The following TPST1 variants were observed in gnomAD, a reference collection of about 807,000 sequenced individuals.
TPST1 encodes tyrosylprotein sulfotransferase 1.
A neutral mutation model predicts 34.8 loss-of-function variants in TPST1; 20 were observed. The ratio of observed to expected loss-of-function variants is 0.57; its 90% confidence interval spans 0.40 to 0.84. The LOEUF (loss-of-function observed/expected upper bound fraction) is 0.84, where lower values mean the gene tolerates loss of function less well. Ranked by LOEUF, TPST1 falls within the 40% of genes least tolerant of loss-of-function variation. TPST1 has a pLI of 0.00. For synonymous variants in TPST1, 152 were observed against 159.4 expected, an observed-to-expected ratio of 0.95 and a Z score of 0.35; for missense variants, 353 against 455.5, an observed-to-expected ratio of 0.78 and a Z score of 2.05.
At chr7:66,261,074 C>T (rs921699642) in intron 2 of TPST1, among the ~76,000 whole-genome samples, 1 of 152,152 alleles carries the variant, frequency 6.6e-6, no homozygotes, top group Non-Finnish European at 1.5e-5. Flanking sequence ...CTGGGCTCTG[C>T]CTGGGACCCC....
chr7:66,224,901 CTTTTTTTTTTTTTTTT>C (rs780952403), intron 1 of TPST1, among the ~76,000 whole-genome samples: 1 of 42,410 alleles, frequency 2.4e-5, no homozygotes, highest in African/African-American at 1.1e-4. Context: ...TTCTGGTATT[CTTTTTTTTTTTTTTTT>C]TTTTTTTTTT....
chr7:66,244,611 GTTTGTGGAATTT>G (rs1264885109), intron 2 of TPST1, among the ~76,000 whole-genome samples: 7 of 152,322 alleles, frequency 4.6e-5, no homozygotes, highest in Non-Finnish European at 1.0e-4. Flanking sequence ...TCTTCTCATG[GTTTGTGGAATTT>G]TTTGTGGAAT....
At chr7:66,301,756 T>A (rs899948313) in intron 3 of TPST1, among the ~76,000 whole-genome samples, 5 of 152,206 alleles carry the variant, frequency 3.3e-5, no homozygotes, top group Admixed American at 1.3e-4. Flanking sequence ...CTTAGGATCG[T>A]GGCACCCCAA....
At chr7:66,323,867 A>G in intron 3 of TPST1, among the ~76,000 whole-genome samples, 1 of 152,246 alleles carries the variant, frequency 6.6e-6, no homozygotes, top group Non-Finnish European at 1.5e-5. Context: ...TAGAATTACC[A>G]TTTGATCCAG....
Position 66,302,192 on chromosome 7 carries a change from C to T in TPST1, c.1044+15483C>T, listed in dbSNP as rs572572454. On this transcript the variant is annotated intron_variant, in intron 3 of 5. Coordinates refer to ENST00000304842, the MANE Select transcript of TPST1 (RefSeq NM_003596.4). ...TGAATCAAGCTGAGCTGGGGCTGAG[C>T]AGTAGCTTTAATTGATTTCAGTTTG... 7.9e-5 allele frequency among the ~76,000 whole-genome samples: 12 copies of T among 152,312 alleles called. 1 individual carries two copies. The South Asian group carries it at 1.4e-3, about 18-fold the overall frequency.
At chr7:66,231,974 T>C (rs1378865336) in intron 1 of TPST1, among the ~76,000 whole-genome samples, 1 of 152,254 alleles carries the variant, frequency 6.6e-6, no homozygotes, top group Non-Finnish European at 1.5e-5. Flanking sequence ...GTATTTGTTC[T>C]TTTTTATGGC....
At chr7:66,199,546 C>T in the TPST1 span, among the ~76,000 whole-genome samples, 1 of 151,846 alleles carries the variant, frequency 6.6e-6, no homozygotes, top group South Asian at 2.1e-4. Context: ...CTGATCGCCT[C>T]GCTTCTTGAA....
chr7:66,319,796 C>T (rs1791713410), intron 3 of TPST1, among the ~76,000 whole-genome samples: 3 of 152,198 alleles, frequency 2.0e-5, no homozygotes, highest in Non-Finnish European at 4.4e-5. Context: ...GATCCTGTTT[C>T]GTAATTGGAT....
chr7:66,308,942 A>G (rs951625388), intron 3 of TPST1, among the ~76,000 whole-genome samples: 34 of 152,306 alleles, frequency 2.2e-4, no homozygotes, highest in Middle Eastern at 3.4e-3. Flanking sequence ...CCTGTTGCCC[A>G]AGCTGGAGTG....
intron 2 of TPST1, among the ~76,000 whole-genome samples, chr7:66,248,723 C>T (rs146207575): frequency 1.5e-3 from 233 of 152,096 alleles, no homozygotes; most frequent in African/African-American, 5.4e-3. Context: ...CCATGTTAGC[C>T]AGGATGGCCT....
intron 3 of TPST1, among the ~76,000 whole-genome samples, chr7:66,327,282 G>A (rs368751387): frequency 1.4e-4 from 22 of 152,292 alleles, no homozygotes; most frequent in Admixed American, 5.2e-4. Context: ...CTGTGCTCTG[G>A]ACTATAATTG....
At chr7:66,286,457 AT>A (rs1791035153) in intron 2 of TPST1, 53 bp from the exon 3 acceptor site, 6 of 1,326,844 alleles carry the variant, frequency 4.5e-6, no homozygotes, top group Non-Finnish European at 5.9e-6. Context: ...GTTTTAAAGC[AT>A]GATTTTCTAA....
At chr7:66,326,705 C>T (rs1371841285) in intron 3 of TPST1, among the ~76,000 whole-genome samples, 1 of 152,186 alleles carries the variant, frequency 6.6e-6, no homozygotes, top group Admixed American at 6.5e-5. Flanking sequence ...CAACTCAATT[C>T]ACATTCCAAT....
chr7:66,359,494 C>CT (rs1792649296), intron 5 of TPST1: 2 of 190,938 alleles, frequency 1.0e-5, no homozygotes, highest in South Asian at 2.1e-4. Flanking sequence ...CCCCTGGACA[C>CT]TTTAAGAACC....
intron 2 of TPST1, among the ~76,000 whole-genome samples, chr7:66,253,041 G>A (rs1422422195): frequency 3.9e-5 from 6 of 152,120 alleles, no homozygotes; most frequent in Non-Finnish European, 7.4e-5. Flanking sequence ...AAACATTCAG[G>A]GGGGAAAAAT....
chr7:66,355,501 CAAAA>C (rs534167392), intron 4 of TPST1, among the ~76,000 whole-genome samples: 1 of 150,822 alleles, frequency 6.6e-6, no homozygotes, highest in African/African-American at 2.4e-5. Context: ...AACAAACAAA[CAAAA>C]AACTCATCTG....
chr7:66,234,137 C>T (rs549614244), intron 1 of TPST1, among the ~76,000 whole-genome samples: 8 of 151,890 alleles, frequency 5.3e-5, no homozygotes, highest in African/African-American at 1.4e-4. Flanking sequence ...GGATCACAAA[C>T]GTGAGCCACC....
chr7:66,299,752 C>T (rs1448184264), intron 3 of TPST1, among the ~76,000 whole-genome samples: 2 of 152,210 alleles, frequency 1.3e-5, no homozygotes, highest in East Asian at 3.9e-4. Context: ...GAATTCTTTG[C>T]TCTTTACCCA....
intron 3 of TPST1, among the ~76,000 whole-genome samples, chr7:66,340,750 G>A (rs896165309): frequency 1.3e-5 from 2 of 152,256 alleles, no homozygotes; most frequent in African/African-American, 4.8e-5. Flanking sequence ...AGGACATATA[G>A]AAAATGAAAA....
Sources: gnomAD v4.1 joint callset for allele counts (sites outside exome capture counted in the v4.1 genomes callset) on GRCh38, gnomAD v4.1.1 for gene constraint, MANE v1.5 for transcripts, NCBI Gene and HGNC (gene_info 2026-07-23, HGNC 2026-07-21) for gene names.